SCAI: variants seen among roughly 807,000 people sequenced by gnomAD.
SCAI encodes the protein protein SCAI.
Under a neutral mutation model 92.2 loss-of-function variants are expected in SCAI, and 24 were observed. The observed-to-expected ratio is 0.26, with a 90% CI of 0.19 to 0.37. The LOEUF (loss-of-function observed/expected upper bound fraction) is 0.37. Among genes scored for constraint, SCAI ranks in the 10% least tolerant of loss-of-function variants. The pLI is 1.00. For synonymous variants in SCAI, 261 were observed against 258.6 expected (o/e 1.01, Z -0.09); for missense variants, 450 against 736.2 (o/e 0.61, Z 4.50).
chr9:125,117,283 C>T (rs10819032), intron 2 of SCAI, among the ~76,000 whole-genome samples: 65,970 of 151,978 alleles, frequency 0.43, 14,715 homozygotes, highest in East Asian at 0.53. Flanking sequence ...TACTGAAAAG[C>T]AAAAACGTAC....
intron 2 of SCAI, among the ~76,000 whole-genome samples, chr9:125,088,166 G>A (rs1834361082): frequency 6.6e-6 from 1 of 152,146 alleles, no homozygotes; most frequent in African/African-American, 2.4e-5. Context: ...CACAATCACA[G>A]TTCATGACAG....
intron 1 of SCAI, 144 bp from the exon 2 acceptor site, chr9:125,142,821 C>CATG: frequency 1.5e-6 from 1 of 680,436 alleles, no homozygotes; most frequent in Non-Finnish European, 2.6e-6. Context: ...ACAAACGCCT[C>CATG]ATGCCCTGTT....
At chr9:125,018,670 C>G in intron 9 of SCAI, 129 bp downstream of exon 9, 1 of 743,444 alleles carries the variant, frequency 1.3e-6, no homozygotes, top group Non-Finnish European at 2.2e-6. Flanking sequence ...TATATGCACA[C>G]AGCATAATTT....
In SCAI at chr9:125,012,055, C is replaced by T. The variant is rs190258547; in HGVS notation, c.861+6744G>A. Among the ~76,000 whole-genome samples the T allele has an allele frequency of 5.7e-3, 862 of 152,266 alleles. 6 individuals are homozygous for T. The highest frequency in any genetic ancestry group is 0.015 in the South Asian group (74 of 4,830). On this transcript the variant is annotated intron_variant, in intron 9 of 17. Transcript: ENST00000336505. ...AGCACTAAACATGGAAAGGAACAAC[C>T]GGTACTAGCCACTGCAAAATCATGC...
chr9:125,018,887 T>C lies in SCAI; in HGVS notation c.773A>G (p.Glu258Gly). ...TIVITSNRLA[E>G]TGAPLLEQGM... ...CTGTTCCAGCAATGGGGCTCCTGTT[T>C]CAGCAAGGCGATTCGATGTGATAAC... is the stretch of plus-strand genomic sequence containing the variant. The change falls in exon 9 of 18, where the codon GAA becomes GGA. Residue 258 changes from glutamate to glycine, a missense_variant. Glu to Gly is a moderately conservative substitution (Grantham distance 98). Transcript: ENST00000336505. 1.2e-6 allele frequency: 2 copies of C among 1,614,032 alleles called. No individual in the cohort carries two copies. Among genetic ancestry groups the C allele is most frequent in the Non-Finnish European group, 1.7e-6 (2 of 1,179,978 alleles).
chr9:125,135,602 G>C (rs896461707), intron 2 of SCAI, among the ~76,000 whole-genome samples: 1 of 152,048 alleles, frequency 6.6e-6, no homozygotes, highest in Non-Finnish European at 1.5e-5. Flanking sequence ...GCTGTGAACC[G>C]AGATAGCATG....
At chr9:125,049,340 T>C (rs1245946273) in intron 3 of SCAI, among the ~76,000 whole-genome samples, 1 of 152,184 alleles carries the variant, frequency 6.6e-6, no homozygotes, top group Non-Finnish European at 1.5e-5. Context: ...GTTTCTCAAA[T>C]ACATGTCTCG....
intron 3 of SCAI, among the ~76,000 whole-genome samples, chr9:125,045,365 C>T (rs1833413009): frequency 6.6e-6 from 1 of 152,112 alleles, no homozygotes; most frequent in Non-Finnish European, 1.5e-5. Context: ...TGCATCTGGC[C>T]AGCTAATTTT....
chr9:124,971,763 C>G lies in SCAI; in HGVS notation c.1481G>C (p.Ser494Thr), dbSNP rs1416812745. The change falls in exon 16 of 18, where the codon AGC (serine) becomes ACC (threonine). Residue 494 changes from serine to threonine, a missense_variant. Coordinates refer to ENST00000336505, the MANE Select transcript of SCAI (RefSeq NM_001144877.3). ...CTTTTCCCATAGGCCTCTGCGCATG[C>G]TTGACAATCCAGAGACAAATAGGAA... ...MAFLFVSGLS[S>T]MRRGLWEKCQ... The G allele has an allele frequency of 6.2e-7, 1 of 1,612,706 alleles. No homozygotes were observed.
chr9:124,949,665 A>G lies in SCAI; in HGVS notation c.*3142T>C, dbSNP rs1831203063. 6.6e-6 allele frequency: 1 copy of G among 152,138 alleles called. No individual in the cohort carries two copies. Among genetic ancestry groups the G allele is most frequent in the African/African-American group, 2.4e-5 (1 of 41,436 alleles). The allele number at this position is 152,138 out of a possible 1,614,324, so 9.4% of individuals were successfully genotyped here. A position where few individuals can be genotyped will look rare whatever the true frequency, so the allele number is the denominator to read the frequency against. ...TTTTAAACATTGTTCTTCTCTTAAG[A>G]AAACAAACAAAAGATTTACCTTACC... On this transcript the variant is annotated 3_prime_UTR_variant, in exon 18 of 18. Transcript: ENST00000336505. This position sits in a 1 kb window ranked among gnomAD's most constrained non-coding sequence, Gnocchi z 4.0.
At chr9:124,963,413 C>A (rs894097771) in intron 17 of SCAI, among the ~76,000 whole-genome samples, 1 of 151,966 alleles carries the variant, frequency 6.6e-6, no homozygotes, top group Non-Finnish European at 1.5e-5. Flanking sequence ...GGATTACAGG[C>A]GTGAGCCACA....
intron 2 of SCAI, among the ~76,000 whole-genome samples, chr9:125,076,109 G>A (rs535825688): frequency 8.5e-5 from 13 of 152,274 alleles, no homozygotes; most frequent in African/African-American, 2.4e-4. Flanking sequence ...GGGGACACTC[G>A]AGCAACATCT....
intron 1 of SCAI, 146 bp from the exon 2 acceptor site, chr9:125,142,823 T>A: frequency 3.0e-6 from 2 of 676,162 alleles, no homozygotes; most frequent in Non-Finnish European, 5.3e-6. Context: ...AAACGCCTCA[T>A]GCCCTGTTTC....
chr9:125,084,822 CACA>C (rs1834294439), intron 2 of SCAI, among the ~76,000 whole-genome samples: 1 of 152,098 alleles, frequency 6.6e-6, no homozygotes, highest in African/African-American at 2.4e-5. Flanking sequence ...ATGAGATCAC[CACA>C]ACTTTTATTG....
At chr9:125,110,698 A>C (rs541857106) in intron 2 of SCAI, among the ~76,000 whole-genome samples, 1 of 152,320 alleles carries the variant, frequency 6.6e-6, no homozygotes, top group Non-Finnish European at 1.5e-5. Context: ...CCACAGAAGC[A>C]GAAGCTGCTG....
intron 2 of SCAI, among the ~76,000 whole-genome samples, chr9:125,138,507 C>T (rs181955370): frequency 2.4e-4 from 36 of 151,972 alleles, no homozygotes; most frequent in African/African-American, 8.0e-4. Context: ...CTTTGCCTCC[C>T]GGGTTCACGT....
intron 13 of SCAI, among the ~76,000 whole-genome samples, chr9:124,999,449 G>C (rs577052421): frequency 6.6e-6 from 1 of 152,062 alleles, no homozygotes; most frequent in South Asian, 2.1e-4. Context: ...CTAGCACTTT[G>C]TGAAGCTGAG....
In SCAI at chr9:125,091,506, C is replaced by T. The variant is rs947375438; in HGVS notation, c.99-35499G>A. Among the ~76,000 whole-genome samples the T allele has an allele frequency of 4.6e-5, 7 of 152,086 alleles. No individual in the cohort carries two copies. In the East Asian group the frequency reaches 7.7e-4, roughly 17 times the overall value. On this transcript the variant is annotated intron_variant, in intron 2 of 17. Coordinates refer to ENST00000336505, the MANE Select transcript of SCAI (RefSeq NM_001144877.3). This position sits in a 1 kb window ranked among gnomAD's most constrained non-coding sequence, Gnocchi z 4.3. Reference sequence around the variant, plus strand: ...AAATTCTAAATACCATTCACATCACCGACCTCCTAAAAACAGCTTTCAAAG... The same window carrying T: ...AAATTCTAAATACCATTCACATCACTGACCTCCTAAAAACAGCTTTCAAAG...
At chr9:124,986,199 G>A (rs1211501478) in intron 14 of SCAI, among the ~76,000 whole-genome samples, 4 of 152,034 alleles carry the variant, frequency 2.6e-5, no homozygotes, top group South Asian at 2.1e-4. Context: ...GCTGAAGCAG[G>A]AGAATCGTTT....
Sources: allele counts gnomAD v4.1 joint callset (sites outside exome capture counted in the v4.1 genomes callset), GRCh38; gene constraint gnomAD v4.1.1; non-coding constraint Gnocchi (gnomAD v3.1); transcripts MANE v1.5; gene names NCBI Gene and HGNC (gene_info 2026-07-23, HGNC 2026-07-21).